Variants in MAP4K1 observed in about 807,000 individuals in gnomAD.
The protein encoded by MAP4K1 is mitogen-activated protein kinase kinase kinase kinase 1, also known as MAPK/ERK kinase kinase kinase 1.
MAP4K1 carries 35 observed loss-of-function variants against 122.8 expected under a neutral mutation model. That is an observed-to-expected ratio of 0.29 (90% CI 0.22 to 0.38). The LOEUF is 0.38. Ranked by LOEUF, MAP4K1 falls within the 10% of genes least tolerant of loss-of-function variation. The pLI is 1.00. For synonymous variants in MAP4K1, 412 were observed against 421.3 expected, an observed-to-expected ratio of 0.98 and a Z score of 0.27; for missense variants, 791 against 1,072.6, an observed-to-expected ratio of 0.74 and a Z score of 3.67.
chr19:38,617,054 T>C lies in MAP4K1; in HGVS notation c.248+300A>G, dbSNP rs1358231782. Among the ~76,000 whole-genome samples, 2 of 151,986 alleles carry C rather than the reference T, an allele frequency of 1.3e-5. No individual in the cohort carries two copies. Among genetic ancestry groups the C allele is most frequent in the Non-Finnish European group, 2.9e-5 (2 of 67,992 alleles). On this transcript the variant is annotated intron_variant, in intron 3 of 30. Transcript: ENST00000396857. The surrounding 1 kb of genome is among the most constrained non-coding windows in gnomAD (Gnocchi z 4.1). The stretch of plus-strand genomic sequence containing the variant: ...CAAGGTCAGGAGTTCAAGACCAGCC[T>C]GGCCAAGATGGTGAAACCCCATCTC...
chr19:38,599,037 G>A (rs1437313159), intron 22 of MAP4K1, among the ~76,000 whole-genome samples: 3 of 134,692 alleles, frequency 2.2e-5, no homozygotes, highest in Non-Finnish European at 3.1e-5. Flanking sequence ...AAAAAAAAAG[G>A]ACTAATTTAG....
intron 20 of MAP4K1, 139 bp downstream of exon 20, chr19:38,601,302 C>T: frequency 1.4e-6 from 1 of 692,816 alleles, no homozygotes; most frequent in Non-Finnish European, 2.4e-6. Flanking sequence ...AAGCTCCGCC[C>T]CTGTTTCAGC....
chr19:38,603,227 TATACAC>T (rs1176961107), intron 19 of MAP4K1, among the ~76,000 whole-genome samples: 1 of 146,952 alleles, frequency 6.8e-6, no homozygotes, highest in Non-Finnish European at 1.5e-5. Flanking sequence ...CACATATACA[TATACAC>T]ATATATATAC....
At chr19:38,592,465 C>T (rs1276805585) in intron 30 of MAP4K1, 1 of 152,074 alleles carries the variant, frequency 6.6e-6, no homozygotes, top group African/African-American at 2.4e-5. Context: ...AACCCAGCTA[C>T]TTGGGAGGCT....
intron 30 of MAP4K1, 119 bp from the exon 31 acceptor site, chr19:38,587,936 G>T: frequency 1.3e-6 from 1 of 752,944 alleles, no homozygotes; most frequent in South Asian, 1.5e-5. Context: ...GCAGTGAATG[G>T]GCAGACACGG....
chr19:38,614,221 A>G (rs778777493), intron 6 of MAP4K1, 24 bp downstream of exon 6: 2 of 1,610,140 alleles, frequency 1.2e-6, no homozygotes, highest in Admixed American at 3.3e-5. Context: ...ACCCCCCAAC[A>G]GCACCCCTAC....
In MAP4K1 at chr19:38,617,511, G is replaced by C; in HGVS notation, c.157+57C>G. On this transcript the variant is annotated intron_variant, in intron 2 of 30. Transcript: ENST00000396857. The surrounding 1 kb of genome is among the most constrained non-coding windows in gnomAD (Gnocchi z 4.1). ...GAGAGCTACAGGGGAGGTGATCCCA[G>C]TGTCCCAGGAGGCGAAGGTGGGGAT... 1.2e-6 allele frequency: 2 copies of C among 1,605,424 alleles called. No individual in the cohort carries two copies. Among genetic ancestry groups the C allele is most frequent in the East Asian group, 2.2e-5 (1 of 44,838 alleles).
At chr19:38,605,051 T>TA (rs1344172126) in intron 19 of MAP4K1, among the ~76,000 whole-genome samples, 1 of 148,638 alleles carries the variant, frequency 6.7e-6, no homozygotes, top group Non-Finnish European at 1.5e-5. Context: ...CGCGCCACTG[T>TA]ACTCTAGCCT....
At chr19:38,589,279 G>T in intron 30 of MAP4K1, 1 of 260,162 alleles carries the variant, frequency 3.8e-6, no homozygotes, top group Non-Finnish European at 7.9e-6. Context: ...CTCCAGCCTG[G>T]GGGACAGAGT....
At chr19:38,591,367 A>G (rs954168783) in intron 30 of MAP4K1, among the ~76,000 whole-genome samples, 1 of 151,534 alleles carries the variant, frequency 6.6e-6, no homozygotes, top group South Asian at 2.1e-4. Flanking sequence ...CACATCTACT[A>G]AAAAAACAAA....
rs1975016574 is a variant in MAP4K1 at position 38,600,106 on chromosome 19, G to A, written c.1579C>T (p.Arg527Trp). The A allele has an allele frequency of 6.2e-7, 1 of 1,614,076 alleles. No homozygotes were observed. Among genetic ancestry groups the A allele is most frequent in the Non-Finnish European group, 8.5e-7 (1 of 1,180,006 alleles). ...TCCAGCGTGGCCTCCTGGTCATTCCGGTTCAGGATGAAGATGCCTTCCTCT... is the reference window on the plus strand; with the variant it reads ...TCCAGCGTGGCCTCCTGGTCATTCCAGTTCAGGATGAAGATGCCTTCCTCT... ...GAEEGIFILN[R>W]NDQEATLEML... is the part of the protein sequence containing the mutation. Residue 527 changes from arginine to tryptophan, a missense_variant, in exon 21 of 31, where the codon CGG becomes TGG. This residue lies in a region of MAP4K1 where 58 missense variants were observed against 118.7 expected (regional missense o/e 0.49). Coordinates refer to ENST00000396857, the MANE Select transcript of MAP4K1 (RefSeq NM_001042600.3).
At chr19:38,589,104 C>G (rs1974621649) in intron 30 of MAP4K1, 1 of 151,848 alleles carries the variant, frequency 6.6e-6, no homozygotes, top group South Asian at 2.1e-4. Flanking sequence ...TAGTAGCCAC[C>G]TAACAATAAT....
chr19:38,599,012 CAAA>C (rs944497385), intron 22 of MAP4K1, among the ~76,000 whole-genome samples: 3 of 37,998 alleles, frequency 7.9e-5, no homozygotes, highest in African/African-American at 2.1e-4. Context: ...GAGTCTATCT[CAAA>C]AAAAAAAAAA....
Position 38,617,095 on chromosome 19 carries a change from A to C in MAP4K1, c.248+259T>G, listed in dbSNP as rs1054247689. Among the ~76,000 whole-genome samples, 3 of 151,794 alleles carry C rather than the reference A, an allele frequency of 2.0e-5. No individual in the cohort carries two copies. Among genetic ancestry groups the C allele is most frequent in the Non-Finnish European group, 4.4e-5 (3 of 67,944 alleles). On this transcript the variant is annotated intron_variant, in intron 3 of 30. Transcript: ENST00000396857. The surrounding 1 kb of genome is among the most constrained non-coding windows in gnomAD (Gnocchi z 4.1). ...ACCCCATCTCTACTAAAAATACAAA[A>C]ATTTGCCGGGCAGGGTGGTGAGCGC... is the stretch of plus-strand genomic sequence containing the variant.
chr19:38,596,239 C>A (rs777823107), intron 26 of MAP4K1, 73 bp downstream of exon 26: 6 of 1,471,120 alleles, frequency 4.1e-6, no homozygotes, highest in African/African-American at 2.8e-5. Flanking sequence ...TCAGGCTAAG[C>A]GAAGCCCCGC....
chr19:38,597,035 C>T lies in MAP4K1; in HGVS notation c.1940G>A (p.Arg647Gln). ...YQPMNKFLLV[R>Q]QVLFPLPTPL... ...CCAGCACCCTCCCAAGCCCCTTACC[C>T]GGACAAGCAGGAATTTGTTCATGGG... Residue 647 changes from arginine to glutamine, a missense_variant and splice_region_variant, in exon 25 of 31, where the codon CGG (arginine) becomes CAG (glutamine). This residue lies in a region of MAP4K1 where 267 missense variants were observed against 323.0 expected (regional missense o/e 0.83). Transcript: ENST00000396857. This position sits in a 1 kb window ranked among gnomAD's most constrained non-coding sequence, Gnocchi z 4.6. 1 of 1,614,048 alleles carries T rather than the reference C, an allele frequency of 6.2e-7. No homozygotes were observed. The highest frequency in any genetic ancestry group is 8.5e-7 in the Non-Finnish European group (1 of 1,179,938).
chr19:38,609,738 G>A (rs1047116082), intron 12 of MAP4K1, 64 bp from the exon 13 acceptor site: 4 of 1,461,534 alleles, frequency 2.7e-6, no homozygotes, highest in African/African-American at 1.4e-5. Context: ...CCTGCCCGGG[G>A]TCCATCTGCT....
Position 38,600,097 on chromosome 19 carries a change from G to T in MAP4K1, c.1588C>A (p.Gln530Lys), listed in dbSNP as rs776948466. Residue 530 changes from glutamine to lysine, a missense_variant, in exon 21 of 31, where the codon CAG becomes AAG. Around this residue, in one of 4 missense-constraint regions of MAP4K1, gnomAD observed 58 missense variants for 118.7 expected, o/e 0.49. Coordinates refer to ENST00000396857, the MANE Select transcript of MAP4K1 (RefSeq NM_001042600.3). The stretch of plus-strand genomic sequence containing the variant: ...CTCACCATTTCCAGCGTGGCCTCCT[G>T]GTCATTCCGGTTCAGGATGAAGATG... ...EGIFILNRND[Q>K]EATLEMLFPS... 12 of 1,613,966 alleles carry T rather than the reference G, an allele frequency of 7.4e-6. No homozygotes were observed. In the Admixed American group the frequency reaches 2.0e-4, roughly 27 times the overall value.
intron 19 of MAP4K1, among the ~76,000 whole-genome samples, chr19:38,603,165 T>C (rs1011568651): frequency 5.3e-5 from 8 of 149,708 alleles, no homozygotes; most frequent in East Asian, 2.0e-4. Flanking sequence ...CATGTATACA[T>C]ATATACACAT....
Sources: gnomAD v4.1 joint callset for allele counts (sites outside exome capture counted in the v4.1 genomes callset) on GRCh38, gnomAD v4.1.1 for gene constraint, gnomAD v4.1.1 regional missense constraint, Gnocchi (gnomAD v3.1) non-coding constraint, MANE v1.5 for transcripts, NCBI Gene and HGNC (gene_info 2026-07-23, HGNC 2026-07-21) for gene names.